The following SMPD3 variants were observed in gnomAD, a reference collection of about 807,000 sequenced individuals.
The protein encoded by SMPD3 is sphingomyelin phosphodiesterase 3.
Under a neutral mutation model 55.7 loss-of-function variants are expected in SMPD3, and 21 were observed. The observed-to-expected ratio is 0.38, with a 90% CI of 0.27 to 0.54. SMPD3 has a LOEUF of 0.54. Among genes scored for constraint, SMPD3 ranks in the 20% least tolerant of loss-of-function variants. The probability of loss-of-function intolerance (pLI) is 0.80; values close to 1 mark genes in which losing one functional copy is unlikely to be tolerated. For missense variants in SMPD3, 842 were observed against 899.6 expected, an observed-to-expected ratio of 0.94 and a Z score of 0.82; for synonymous variants, 457 against 404.3, an observed-to-expected ratio of 1.13 and a Z score of -1.56.
rs1395126394 is a variant in SMPD3 at position 68,360,234 on chromosome 16, A to T, written c.*972T>A. Reference sequence around the variant, plus strand: ...AGAGAGGTGTCCCGTGGGGGAGAGGATTGGCAGAAAGAAGAGGATGTGTTG... The same window carrying T: ...AGAGAGGTGTCCCGTGGGGGAGAGGTTTGGCAGAAAGAAGAGGATGTGTTG... On this transcript the variant is annotated 3_prime_UTR_variant, in exon 9 of 9. Transcript: ENST00000219334. The T allele has an allele frequency of 1.3e-5, 2 of 152,456 alleles. No individual in the cohort carries two copies. The highest frequency in any genetic ancestry group is 2.9e-5 in the Non-Finnish European group (2 of 68,052). The allele number at this position is 152,456 out of a possible 1,614,324, so 9.4% of individuals were successfully genotyped here.
chr16:68,420,845 A>G (rs912851708), intron 1 of SMPD3, among the ~76,000 whole-genome samples: 1 of 152,222 alleles, frequency 6.6e-6, no homozygotes, highest in African/African-American at 2.4e-5. Flanking sequence ...TGACTCAGGT[A>G]GGTGGGGGCC....
chr16:68,391,849 A>ATTC (rs1195057069), intron 1 of SMPD3, among the ~76,000 whole-genome samples: 1 of 152,206 alleles, frequency 6.6e-6, no homozygotes, highest in Admixed American at 6.5e-5. Flanking sequence ...GGAAGTATAG[A>ATTC]TGGTCTCTGA....
intron 1 of SMPD3, among the ~76,000 whole-genome samples, chr16:68,401,954 T>A (rs1175092805): frequency 6.6e-6 from 1 of 151,992 alleles, no homozygotes; most frequent in Non-Finnish European, 1.5e-5. Context: ...CAGACAATTC[T>A]CTGAAAACTC....
chr16:68,423,165 C>A (rs927484114), intron 1 of SMPD3, among the ~76,000 whole-genome samples: 1 of 152,202 alleles, frequency 6.6e-6, no homozygotes, highest in Non-Finnish European at 1.5e-5. Context: ...CCAAGGTTTT[C>A]TGGCCTCCTT....
chr16:68,389,123 T>C (rs2090088337), intron 1 of SMPD3, among the ~76,000 whole-genome samples: 1 of 152,226 alleles, frequency 6.6e-6, no homozygotes, highest in Non-Finnish European at 1.5e-5. Flanking sequence ...CTCTCCTGGC[T>C]CTGGCAGCTG....
intron 1 of SMPD3, among the ~76,000 whole-genome samples, chr16:68,440,205 A>T (rs773686975): frequency 1.3e-5 from 2 of 152,120 alleles, no homozygotes; most frequent in African/African-American, 2.4e-5. Context: ...TCTTTTTTTC[A>T]TTGTTTTTTT....
At chr16:68,362,949 A>G (rs559588316) in intron 7 of SMPD3, among the ~76,000 whole-genome samples, 18 of 152,360 alleles carry the variant, frequency 1.2e-4, no homozygotes, top group Admixed American at 5.9e-4. Context: ...CGGGCTGTGA[A>G]TTATAAATTG....
intron 1 of SMPD3, among the ~76,000 whole-genome samples, chr16:68,409,603 G>T (rs888328451): frequency 9.9e-5 from 15 of 151,818 alleles, no homozygotes; most frequent in Admixed American, 5.9e-4. Flanking sequence ...ATCATGATTG[G>T]TTTTTTTTGA....
At chr16:68,436,590 A>G (rs774481948) in intron 1 of SMPD3, among the ~76,000 whole-genome samples, 4 of 152,216 alleles carry the variant, frequency 2.6e-5, no homozygotes, top group Non-Finnish European at 5.9e-5. Flanking sequence ...TGAATTCACA[A>G]CGCTCCACTC....
At chr16:68,402,241 C>T (rs975338657) in intron 1 of SMPD3, among the ~76,000 whole-genome samples, 2 of 152,222 alleles carry the variant, frequency 1.3e-5, no homozygotes, top group Non-Finnish European at 2.9e-5. Flanking sequence ...CACCTCACCT[C>T]TGCAGGCCTC....
At chr16:68,436,617 T>G (rs536836037) in intron 1 of SMPD3, among the ~76,000 whole-genome samples, 1 of 152,356 alleles carries the variant, frequency 6.6e-6, no homozygotes, top group Non-Finnish European at 1.5e-5. Context: ...TATAGGTCAC[T>G]ATGGCTTGGC....
chr16:68,358,362 ATCCT>A lies in SMPD3; in HGVS notation c.*2840_*2843del, dbSNP rs1458770376. On this transcript the variant is annotated 3_prime_UTR_variant, in exon 9 of 9. Coordinates refer to ENST00000219334, the MANE Select transcript of SMPD3 (RefSeq NM_018667.4). ...CAGTTTTATTTTCTCCTCGTTATCC[ATCCT>A]TCCTTTCAGCACCAGTAAGGAAAAA... The A allele has an allele frequency of 2.6e-5, 4 of 152,744 alleles. No homozygotes were observed. The East Asian group carries it at 7.5e-4, about 29-fold the overall frequency. 9.5% of individuals were successfully genotyped at this position (152,744 alleles called of 1,614,324 possible).
chr16:68,378,529 C>A (rs1347257953), intron 2 of SMPD3, among the ~76,000 whole-genome samples: 1 of 152,146 alleles, frequency 6.6e-6, no homozygotes, highest in African/African-American at 2.4e-5. Flanking sequence ...ATCCAAAGCA[C>A]CTGCCTCCTT....
chr16:68,423,056 G>A (rs2090408255), intron 1 of SMPD3, among the ~76,000 whole-genome samples: 1 of 152,200 alleles, frequency 6.6e-6, no homozygotes, highest in African/African-American at 2.4e-5. Flanking sequence ...AACAACCTAA[G>A]AGACAGGCAC....
At chr16:68,361,894 C>T (rs1047274398) in intron 7 of SMPD3, 135 bp from the exon 8 acceptor site, 3 of 1,325,540 alleles carry the variant, frequency 2.3e-6, no homozygotes, top group South Asian at 1.5e-5. Context: ...TTTAAGATCT[C>T]TCCCCTGCGG....
At chr16:68,429,360 A>C (rs1358164870) in intron 1 of SMPD3, among the ~76,000 whole-genome samples, 2 of 152,228 alleles carry the variant, frequency 1.3e-5, no homozygotes, top group Non-Finnish European at 2.9e-5. Flanking sequence ...GGTTGTTCTG[A>C]AAATCTCAGT....
chr16:68,421,178 A>G (rs961662271), intron 1 of SMPD3, among the ~76,000 whole-genome samples: 3 of 152,126 alleles, frequency 2.0e-5, no homozygotes, highest in African/African-American at 7.2e-5. Context: ...GCCTCTGTAC[A>G]CAGGGGCCCC....
chr16:68,436,335 C>A (rs925953645), intron 1 of SMPD3, among the ~76,000 whole-genome samples: 6 of 152,158 alleles, frequency 3.9e-5, no homozygotes, highest in African/African-American at 1.2e-4. Flanking sequence ...ACCCAACACA[C>A]AAGAGCGTGC....
intron 1 of SMPD3, among the ~76,000 whole-genome samples, chr16:68,415,426 G>A (rs1367503792): frequency 6.6e-6 from 1 of 152,196 alleles, no homozygotes; most frequent in East Asian, 1.9e-4. Context: ...AATGCTGAGG[G>A]TCTAGCTGCA....
Sources: gnomAD v4.1 joint callset for allele counts (sites outside exome capture counted in the v4.1 genomes callset) on GRCh38, gnomAD v4.1.1 for gene constraint, MANE v1.5 for transcripts, NCBI Gene and HGNC (gene_info 2026-07-23, HGNC 2026-07-21) for gene names.